Variants in ENTREP3 observed in about 807,000 individuals in gnomAD.
ENTREP3 encodes protein ENTREP3.
chr1:155,253,768 G>T, the ENTREP3 span: 1 of 1,605,768 alleles, frequency 6.2e-7, no homozygotes, highest in South Asian at 1.1e-5. Context: ...GTCAGGAGAC[G>T]GCTAAGTTCC....
At chr1:155,254,444 C>T in the ENTREP3 span, 19 of 1,614,080 alleles carry the variant, frequency 1.2e-5, no homozygotes, top group East Asian at 6.7e-5. The surrounding 1 kb of genome is among the most constrained non-coding windows in gnomAD (Gnocchi z 4.4). Flanking sequence ...CCAACCACCC[C>T]GGAGAACGCC....
the ENTREP3 span, chr1:155,250,608 C>T: frequency 1.2e-5 from 20 of 1,608,474 alleles, no homozygotes; most frequent in African/African-American, 2.1e-4. The surrounding 1 kb of genome is among the most constrained non-coding windows in gnomAD (Gnocchi z 5.4). Flanking sequence ...TGGGGGGCGC[C>T]GTGGCAGGGG....
At chr1:155,248,129 C>T in the ENTREP3 span, 33 of 1,613,970 alleles carry the variant, frequency 2.0e-5, no homozygotes, top group East Asian at 2.9e-4. Context: ...GACCAGGCCC[C>T]GACCTGGCCA....
the ENTREP3 span, chr1:155,248,067 C>T: frequency 6.2e-7 from 1 of 1,614,268 alleles, no homozygotes; most frequent in South Asian, 1.1e-5. Context: ...TGTCCATGAG[C>T]TCCAGTCCCA....
the ENTREP3 span, chr1:155,248,244 G>A: frequency 3.7e-5 from 60 of 1,603,796 alleles, no homozygotes; most frequent in African/African-American, 6.7e-5. Flanking sequence ...GACCGGGCAC[G>A]TAGCAACTTG....
chr1:155,253,869 C>T, the ENTREP3 span: 4 of 1,613,018 alleles, frequency 2.5e-6, no homozygotes, highest in Non-Finnish European at 3.4e-6. Context: ...CTTGAGGGCC[C>T]CTCGGGCTTC....
chr1:155,251,492 G>C, the ENTREP3 span: 1 of 1,606,758 alleles, frequency 6.2e-7, no homozygotes, highest in African/African-American at 1.3e-5. Context: ...AAGCCGTGCT[G>C]TGCTCTCACC....
the ENTREP3 span, chr1:155,251,850 G>A: frequency 6.7e-5 from 102 of 1,527,850 alleles, 1 homozygote; most frequent in East Asian, 1.5e-3. Flanking sequence ...GGCTGGGGGC[G>A]GGGACGTGCA....
the ENTREP3 span, chr1:155,250,253 G>A: frequency 1.3e-6 from 2 of 1,540,422 alleles, no homozygotes; most frequent in Non-Finnish European, 1.8e-6. The surrounding 1 kb of genome is among the most constrained non-coding windows in gnomAD (Gnocchi z 5.4). Flanking sequence ...TCCTGAGCCT[G>A]GGCAGTCGGG....
chr1:155,251,303 C>G, the ENTREP3 span: 192 of 781,296 alleles, frequency 2.5e-4, 2 homozygotes, highest in South Asian at 3.3e-3. Flanking sequence ...TCAGCTTCCA[C>G]GTCTGTATGG....
At chr1:155,249,376 C>T in the ENTREP3 span, among the ~76,000 whole-genome samples, 5 of 152,154 alleles carry the variant, frequency 3.3e-5, no homozygotes, top group South Asian at 6.3e-4. Context: ...CAGGTGCAAG[C>T]CACCGTGCCC....
the ENTREP3 span, chr1:155,247,852 C>A: frequency 6.7e-7 from 1 of 1,502,568 alleles, no homozygotes; most frequent in Non-Finnish European, 8.9e-7. Context: ...CTCCAGCCTG[C>A]GGCCAGACAG....
At chr1:155,248,533 A>G in the ENTREP3 span, 6 of 1,488,372 alleles carry the variant, frequency 4.0e-6, no homozygotes, top group Non-Finnish European at 5.6e-6. Flanking sequence ...GGACACGCCC[A>G]CCCTCCTGTG....
At chr1:155,248,506 G>A in the ENTREP3 span, 4 of 1,597,348 alleles carry the variant, frequency 2.5e-6, no homozygotes, top group Non-Finnish European at 2.6e-6. Flanking sequence ...GACAGGGAGT[G>A]AGTGGAAGTG....
the ENTREP3 span, chr1:155,250,764 G>C: frequency 6.2e-7 from 1 of 1,612,072 alleles, no homozygotes; most frequent in South Asian, 1.1e-5. This position sits in a 1 kb window ranked among gnomAD's most constrained non-coding sequence, Gnocchi z 5.4. Flanking sequence ...CGACGGGCTA[G>C]AGCCCCCAGG....
chr1:155,251,904 A>T, the ENTREP3 span: 3 of 1,431,312 alleles, frequency 2.1e-6, no homozygotes, highest in East Asian at 8.2e-5. Flanking sequence ...CTCAGGGGCC[A>T]GCTGCTGGGG....
the ENTREP3 span, chr1:155,247,920 C>G: frequency 6.3e-7 from 1 of 1,596,108 alleles, no homozygotes; most frequent in Non-Finnish European, 8.5e-7. Flanking sequence ...GGTGGAGGCT[C>G]TCTCGGCCAG....
the ENTREP3 span, chr1:155,254,294 G>T: frequency 6.6e-7 from 1 of 1,505,424 alleles, no homozygotes; most frequent in Non-Finnish European, 9.2e-7. This position sits in a 1 kb window ranked among gnomAD's most constrained non-coding sequence, Gnocchi z 4.4. Context: ...GTGCCCACCC[G>T]GCTGGCACCA....
chr1:155,250,396 T>C, the ENTREP3 span: 53 of 1,473,394 alleles, frequency 3.6e-5, no homozygotes, highest in Admixed American at 3.2e-4. The surrounding 1 kb of genome is among the most constrained non-coding windows in gnomAD (Gnocchi z 5.4). Flanking sequence ...GAGCTATCGC[T>C]GAAGCGACGA....
Sources: gnomAD v4.1 joint callset for allele counts (sites outside exome capture counted in the v4.1 genomes callset) on GRCh38, gnomAD v4.1.1 for gene constraint, Gnocchi (gnomAD v3.1) non-coding constraint, MANE v1.5 for transcripts, NCBI Gene and HGNC (gene_info 2026-07-23, HGNC 2026-07-21) for gene names.